The following BAIAP2L1 variants were observed in gnomAD, a reference collection of about 807,000 sequenced individuals.
BAIAP2L1 encodes the protein BAR/IMD domain-containing adapter protein 2-like 1.
In BAIAP2L1, 35 loss-of-function variants were observed where a neutral mutation model predicts 66.3. The observed-to-expected ratio is 0.53, with a 90% CI of 0.40 to 0.70. BAIAP2L1 has a LOEUF of 0.70. Ranked by LOEUF, BAIAP2L1 falls within the 30% of genes least tolerant of loss-of-function variation. The pLI is 0.00. For synonymous variants in BAIAP2L1, 269 were observed against 248.7 expected, an observed-to-expected ratio of 1.08 and a Z score of -0.77; for missense variants, 622 against 656.9, an observed-to-expected ratio of 0.95 and a Z score of 0.58.
intron 12 of BAIAP2L1, among the ~76,000 whole-genome samples, chr7:98,299,173 G>A (rs1474101687): frequency 6.6e-6 from 1 of 152,014 alleles, no homozygotes; most frequent in South Asian, 2.1e-4. Context: ...CTGCCACCAT[G>A]CCCAGCTAAT....
At chr7:98,303,634 G>C (rs776189731) in intron 12 of BAIAP2L1, among the ~76,000 whole-genome samples, 2 of 152,172 alleles carry the variant, frequency 1.3e-5, no homozygotes, top group African/African-American at 4.8e-5. Flanking sequence ...GCCTCTGTGC[G>C]GTGGCGGGAA....
intron 1 of BAIAP2L1, among the ~76,000 whole-genome samples, chr7:98,394,779 C>T (rs1803160595): frequency 6.6e-6 from 1 of 152,246 alleles, no homozygotes; most frequent in African/African-American, 2.4e-5. Flanking sequence ...TGAGCCAGAA[C>T]ATTCATAAAG....
intron 3 of BAIAP2L1, among the ~76,000 whole-genome samples, chr7:98,328,841 T>C (rs920102218): frequency 6.6e-6 from 1 of 152,218 alleles, no homozygotes; most frequent in African/African-American, 2.4e-5. Context: ...ACTTTACACA[T>C]ATCCATCTAT....
At chr7:98,381,311 C>T (rs563068711) in intron 1 of BAIAP2L1, among the ~76,000 whole-genome samples, 1 of 152,218 alleles carries the variant, frequency 6.6e-6, no homozygotes, top group Non-Finnish European at 1.5e-5. Flanking sequence ...TTCATTATGA[C>T]ATAATCATTG....
intron 1 of BAIAP2L1, among the ~76,000 whole-genome samples, chr7:98,366,331 G>A (rs1350240766): frequency 6.6e-6 from 1 of 152,120 alleles, no homozygotes; most frequent in Non-Finnish European, 1.5e-5. Flanking sequence ...AGCTGCTGGT[G>A]GTGGTGGCTG....
chr7:98,379,966 T>C (rs1333885035), intron 1 of BAIAP2L1, among the ~76,000 whole-genome samples: 1 of 152,194 alleles, frequency 6.6e-6, no homozygotes, highest in East Asian at 1.9e-4. Flanking sequence ...AGAAGTGTTA[T>C]AAATTTAAAT....
chr7:98,379,483 T>A (rs1335824649), intron 1 of BAIAP2L1, among the ~76,000 whole-genome samples: 1 of 151,268 alleles, frequency 6.6e-6, no homozygotes, highest in Non-Finnish European at 1.5e-5. Context: ...CCAACCAAGG[T>A]TCACAAAAGC....
At chr7:98,364,826 A>G (rs1006118574) in intron 1 of BAIAP2L1, among the ~76,000 whole-genome samples, 1 of 151,116 alleles carries the variant, frequency 6.6e-6, no homozygotes, top group African/African-American at 2.4e-5. Context: ...TCGCTACAAA[A>G]AATAAAAACA....
chr7:98,379,261 T>C (rs184383434), intron 1 of BAIAP2L1, among the ~76,000 whole-genome samples: 1 of 152,124 alleles, frequency 6.6e-6, no homozygotes, highest in Non-Finnish European at 1.5e-5. Context: ...TGCCTCACAG[T>C]GTTCTCAGCA....
chr7:98,316,987 C>T (rs1562970999), intron 6 of BAIAP2L1, among the ~76,000 whole-genome samples: 2 of 151,736 alleles, frequency 1.3e-5, no homozygotes, highest in Admixed American at 6.6e-5. Context: ...CCTCAGCCTC[C>T]GAGTAGCTGT....
intron 1 of BAIAP2L1, among the ~76,000 whole-genome samples, chr7:98,384,317 G>T (rs373454257): frequency 2.6e-5 from 4 of 152,236 alleles, no homozygotes; most frequent in African/African-American, 9.6e-5. Context: ...TAAAACTACA[G>T]ATAAATGGCA....
At chr7:98,366,155 A>T (rs1802385881) in intron 1 of BAIAP2L1, among the ~76,000 whole-genome samples, 1 of 152,140 alleles carries the variant, frequency 6.6e-6, no homozygotes, top group Admixed American at 6.6e-5. Flanking sequence ...TCGGATGGTC[A>T]GCTTTCGCAG....
intron 1 of BAIAP2L1, among the ~76,000 whole-genome samples, chr7:98,384,251 C>T (rs142187514): frequency 1.0e-3 from 152 of 151,702 alleles, no homozygotes; most frequent in African/African-American, 3.6e-3. Flanking sequence ...TTCACAGAGA[C>T]GTGGTGAAAA....
chr7:98,356,866 G>A (rs1184320218), intron 2 of BAIAP2L1, among the ~76,000 whole-genome samples: 2 of 146,334 alleles, frequency 1.4e-5, no homozygotes, highest in Admixed American at 6.9e-5. Flanking sequence ...GGTGGCACAC[G>A]CCTATAGTAG....
chr7:98,355,842 G>A (rs1802107750), intron 2 of BAIAP2L1, among the ~76,000 whole-genome samples: 1 of 152,170 alleles, frequency 6.6e-6, no homozygotes. Flanking sequence ...GTTGTGTGAG[G>A]TGGACTAGGA....
rs758242917 is a variant in BAIAP2L1 at position 98,306,430 on chromosome 7, C to T, written c.1241+9G>A. ...GTCACCGGGAGAGCTCAGCCACGTTCAGGGCTACCTTGGCGTGGGCACGGT... is the reference window on the plus strand; with the variant it reads ...GTCACCGGGAGAGCTCAGCCACGTTTAGGGCTACCTTGGCGTGGGCACGGT... On this transcript the variant is annotated intron_variant, in intron 11 of 13. Coordinates refer to ENST00000005260, the MANE Select transcript of BAIAP2L1 (RefSeq NM_018842.5). 1 of 1,614,122 alleles carries T rather than the reference C, an allele frequency of 6.2e-7. No individual in the cohort carries two copies. Among genetic ancestry groups the T allele is most frequent in the Admixed American group, 1.7e-5 (1 of 60,024 alleles).
At chr7:98,341,159 C>A (rs1801733884) in intron 3 of BAIAP2L1, among the ~76,000 whole-genome samples, 1 of 151,922 alleles carries the variant, frequency 6.6e-6, no homozygotes, top group Non-Finnish European at 1.5e-5. Flanking sequence ...TTCCAAACCC[C>A]AAACTGAAAA....
At chr7:98,295,860 C>T (rs543031156) in intron 12 of BAIAP2L1, among the ~76,000 whole-genome samples, 15 of 152,272 alleles carry the variant, frequency 9.9e-5, no homozygotes, top group Admixed American at 2.6e-4. Context: ...CAAGAAGCAC[C>T]GACTCCTGCC....
intron 2 of BAIAP2L1, among the ~76,000 whole-genome samples, chr7:98,361,781 G>A (rs1335651242): frequency 6.6e-6 from 1 of 151,868 alleles, no homozygotes; most frequent in Non-Finnish European, 1.5e-5. Context: ...TGTTGCTCAG[G>A]CTGGGGTGCA....
Sources: gnomAD v4.1 joint callset for allele counts (sites outside exome capture counted in the v4.1 genomes callset) on GRCh38, gnomAD v4.1.1 for gene constraint, MANE v1.5 for transcripts, NCBI Gene and HGNC (gene_info 2026-07-23, HGNC 2026-07-21) for gene names.